The following PRKCG variants were observed in gnomAD, a reference collection of about 807,000 sequenced individuals.
PRKCG encodes the protein protein kinase C gamma.
Under a neutral mutation model 82.0 loss-of-function variants are expected in PRKCG, and 28 were observed. The ratio of observed to expected loss-of-function variants is 0.34; its 90% CI spans 0.25 to 0.47. The LOEUF is 0.47. PRKCG is among the 20% of genes least tolerant of loss of function. The pLI, the probability that PRKCG is intolerant of heterozygous loss-of-function variation, is 1.00. For synonymous variants in PRKCG, 383 were observed against 376.6 expected (o/e 1.02, Z -0.20); for missense variants, 640 against 952.7 (o/e 0.67, Z 4.32).
At chr19:53,896,786 A>T (rs2068721393) in intron 9 of PRKCG, among the ~76,000 whole-genome samples, 1 of 152,168 alleles carries the variant, frequency 6.6e-6, no homozygotes, top group Non-Finnish European at 1.5e-5. Context: ...AACAAAGCAG[A>T]CCCCTGCCTT....
At position 53,892,237 on chromosome 19, in the gene PRKCG, C is replaced by G. The variant is rs1015882941; in HGVS notation, c.687-272C>G. On this transcript the variant is annotated intron_variant, in intron 6 of 17. Transcript: ENST00000263431. This position sits in a 1 kb window ranked among gnomAD's most constrained non-coding sequence, Gnocchi z 5.9. Reference sequence around the variant, plus strand: ...GAGAGGAGAGAAGGGTACAGAGACTCAGAGAGAGAGATCTCGAGAGACAAG... The same window carrying G: ...GAGAGGAGAGAAGGGTACAGAGACTGAGAGAGAGAGATCTCGAGAGACAAG... 2.0e-5 allele frequency among the ~76,000 whole-genome samples: 3 copies of G among 151,946 alleles called. No homozygotes were observed. Among genetic ancestry groups the G allele is most frequent in the African/African-American group, 7.3e-5 (3 of 41,348 alleles).
intron 5 of PRKCG, among the ~76,000 whole-genome samples, chr19:53,890,467 A>T (rs1219174290): frequency 6.6e-6 from 1 of 151,608 alleles, no homozygotes; most frequent in Non-Finnish European, 1.5e-5. Flanking sequence ...CATGTTAGCC[A>T]GGCTGGTCTC....
At chr19:53,885,452 G>A (rs1374867153) in intron 3 of PRKCG, among the ~76,000 whole-genome samples, 18 of 152,102 alleles carry the variant, frequency 1.2e-4, no homozygotes, top group Admixed American at 9.8e-4. Flanking sequence ...GGCTGGTCTC[G>A]AACTCCTGAC....
In PRKCG at chr19:53,900,853, CA is replaced by C; in HGVS notation, c.1575+105del. On this transcript the variant is annotated intron_variant, in intron 14 of 17. Coordinates refer to ENST00000263431, the MANE Select transcript of PRKCG (RefSeq NM_002739.5). This position sits in a 1 kb window ranked among gnomAD's most constrained non-coding sequence, Gnocchi z 4.2. ...GTGAGGCCTGACCCTCAGACCTTGT[CA>C]TGAGTTGTGGCCTTCTTACACAGCC... 1 of 1,574,044 alleles carries C rather than the reference CA, an allele frequency of 6.4e-7. No individual in the cohort carries two copies. Among genetic ancestry groups the C allele is most frequent in the Non-Finnish European group, 8.7e-7 (1 of 1,153,132 alleles).
chr19:53,883,088 GC>G lies in PRKCG; in HGVS notation c.171-70del. On this transcript the variant is annotated intron_variant, in intron 1 of 17. Transcript: ENST00000263431. This position sits in a 1 kb window ranked among gnomAD's most constrained non-coding sequence, Gnocchi z 5.4. ...GCGGGAGGAGGGTCAGAGAGCGCAG[GC>G]CCCCTGTGGCTCGCAGAGGTTGGGG... is the stretch of plus-strand genomic sequence containing the variant. The G allele has an allele frequency of 6.4e-7, 1 of 1,569,760 alleles. No homozygotes were observed.
chr19:53,907,287 A>G lies in PRKCG; in HGVS notation c.*392A>G. 3.2e-6 allele frequency: 1 copy of G among 309,196 alleles called. No individual in the cohort carries two copies. The highest frequency in any genetic ancestry group is 6.3e-6 in the Non-Finnish European group (1 of 159,512). 19.2% of individuals were successfully genotyped at this position (309,196 alleles called of 1,614,324 possible). A position where few individuals can be genotyped will look rare whatever the true frequency, so the allele number is the denominator to read the frequency against. On this transcript the variant is annotated 3_prime_UTR_variant, in exon 18 of 18. Coordinates refer to ENST00000263431, the MANE Select transcript of PRKCG (RefSeq NM_002739.5). ...AGCCTCACGGGGTTGGCTGTTCCAG[A>G]CTCAGGTTCCAGAACAGCCCTCGGC...
intron 8 of PRKCG, 132 bp downstream of exon 8, chr19:53,893,207 T>C (rs565288555): frequency 1.6e-6 from 2 of 1,221,532 alleles, no homozygotes; most frequent in Admixed American, 1.9e-5. Flanking sequence ...GACTCCCTCC[T>C]CTGCTCTTCT....
In PRKCG at chr19:53,898,564, G is replaced by A. The variant is rs1046092381; in HGVS notation, c.1217G>A (p.Gly406Glu). 2 of 1,612,524 alleles carry A rather than the reference G, an allele frequency of 1.2e-6. No individual in the cohort carries two copies. The highest frequency in any genetic ancestry group is 1.7e-6 in the Non-Finnish European group (2 of 1,179,736). ...GTGGAGAAACGTGTGCTGGCGCTGG[G>A]GGGCCGGGGTCCTGGCGGCCGGCCC... ...TLVEKRVLAL[G>E]GRGPGGRPHF... Residue 406 changes from glycine (G) to glutamate (E), a missense_variant, in exon 11 of 18, where the codon GGG becomes GAG. Physicochemically the swap from Gly to Glu is moderately conservative, Grantham distance 98. Coordinates refer to ENST00000263431, the MANE Select transcript of PRKCG (RefSeq NM_002739.5).
At chr19:53,904,854 T>C (rs1481564804) in intron 16 of PRKCG, 112 bp downstream of exon 16, 2 of 899,498 alleles carry the variant, frequency 2.2e-6, no homozygotes, top group Non-Finnish European at 3.6e-6. Flanking sequence ...TACTTCCATC[T>C]GTTGGAAAAG....
At chr19:53,887,637 T>C (rs549715332) in intron 3 of PRKCG, among the ~76,000 whole-genome samples, 1 of 146,776 alleles carries the variant, frequency 6.8e-6, no homozygotes, top group African/African-American at 2.5e-5. Flanking sequence ...CAAACCATCC[T>C]GGCTAACGCG....
chr19:53,888,084 CTG>C (rs1255513924), intron 3 of PRKCG, among the ~76,000 whole-genome samples: 1 of 152,192 alleles, frequency 6.6e-6, no homozygotes, highest in African/African-American at 2.4e-5. Flanking sequence ...ACAGCAGCCT[CTG>C]TCTGTGGATG....
rs749615115 is a variant in PRKCG at position 53,904,754 on chromosome 19, C to T, written c.1764+12C>T. ...CCATCTGCAAGGGGGTGAGAGCCCC[C>T]TGACTCCCAGCTTCTCCAGGCTCAC... is the stretch of plus-strand genomic sequence containing the variant. On this transcript the variant is annotated intron_variant, in intron 16 of 17. Transcript: ENST00000263431. The T allele has an allele frequency of 4.4e-6, 7 of 1,605,836 alleles. No homozygotes were observed. In the Admixed American group the frequency reaches 1.0e-4, roughly 23 times the overall value.
chr19:53,892,752 G>GCACACACACA lies in PRKCG; in HGVS notation c.821+129_821+138dup, dbSNP rs762529486. 1.0e-5 allele frequency: 11 copies of GCACACACACA among 1,097,142 alleles called. No homozygotes were observed. The highest frequency in any genetic ancestry group is 2.5e-4 in the Middle Eastern group (1 of 4,066). 68.0% of individuals were successfully genotyped at this position (1,097,142 alleles called of 1,614,324 possible). A position where few individuals can be genotyped will look rare whatever the true frequency, so the allele number is the denominator to read the frequency against. ...TCCTTCCCTCTGCCTCCCAGCATGC[G>GCACACACACA]CACACACACACACACACACACACAC... is the stretch of plus-strand genomic sequence containing the variant. On this transcript the variant is annotated intron_variant, in intron 7 of 17. Coordinates refer to ENST00000263431, the MANE Select transcript of PRKCG (RefSeq NM_002739.5). This position sits in a 1 kb window ranked among gnomAD's most constrained non-coding sequence, Gnocchi z 5.9.
chr19:53,884,059 A>T lies in PRKCG; in HGVS notation c.203-102A>T, dbSNP rs307956. On this transcript the variant is annotated intron_variant, in intron 2 of 17. Coordinates refer to ENST00000263431, the MANE Select transcript of PRKCG (RefSeq NM_002739.5). This position sits in a 1 kb window ranked among gnomAD's most constrained non-coding sequence, Gnocchi z 4.6. The stretch of plus-strand genomic sequence containing the variant: ...AGATCCCTCTCTTTCTGGTTTTCTC[A>T]GTGTCCGAGTTCCGCTCTCTCTTTC... The T allele has an allele frequency of 1, 1,122,392 of 1,125,838 alleles. 559,484 individuals are homozygous for T. Among genetic ancestry groups the T allele is most frequent in the East Asian group, 1 (42,096 of 42,096 alleles). The allele number at this position is 1,125,838 out of a possible 1,614,324, so 69.7% of individuals were successfully genotyped here.
Position 53,892,395 on chromosome 19 carries a change from G to A in PRKCG, c.687-114G>A, listed in dbSNP as rs2068682918. ...AGGTCAGAGGTCGGAGACCGACAAA[G>A]CAGGAGAGGAGCCCCAGCTGGCTGG... On this transcript the variant is annotated intron_variant, in intron 6 of 17. Coordinates refer to ENST00000263431, the MANE Select transcript of PRKCG (RefSeq NM_002739.5). This position sits in a 1 kb window ranked among gnomAD's most constrained non-coding sequence, Gnocchi z 5.9. The A allele has an allele frequency of 1.3e-6, 2 of 1,488,880 alleles. No homozygotes were observed. The highest frequency in any genetic ancestry group is 4.0e-5 in the Admixed American group (2 of 50,430). 92.2% of individuals were successfully genotyped at this position (1,488,880 alleles called of 1,614,324 possible).
At chr19:53,906,668 C>T (rs374367148) in intron 17 of PRKCG, 39 bp from the exon 18 acceptor site, 16 of 1,606,628 alleles carry the variant, frequency 1.0e-5, no homozygotes, top group Non-Finnish European at 1.2e-5. Context: ...GAGGAGCCCT[C>T]GGAGCTGCTT....
At chr19:53,885,110 T>C (rs1005205800) in intron 3 of PRKCG, among the ~76,000 whole-genome samples, 4 of 152,244 alleles carry the variant, frequency 2.6e-5, no homozygotes, top group African/African-American at 9.6e-5. Flanking sequence ...ATTCTGTACA[T>C]GCACTGTCCA....
Position 53,892,891 on chromosome 19 carries a change from C to A in PRKCG, c.822-97C>A. 8.2e-7 allele frequency: 1 copy of A among 1,217,280 alleles called. No homozygotes were observed. The highest frequency in any genetic ancestry group is 1.2e-6 in the Non-Finnish European group (1 of 839,896). 75.4% of individuals were successfully genotyped at this position (1,217,280 alleles called of 1,614,324 possible). A position where few individuals can be genotyped will look rare whatever the true frequency, so the allele number is the denominator to read the frequency against. ...TCTTTCTCTCTTCCATCTCTGTGTC[C>A]GTCTCTCTGTGTCTCTTTCCTCCCT... On this transcript the variant is annotated intron_variant, in intron 7 of 17. Coordinates refer to ENST00000263431, the MANE Select transcript of PRKCG (RefSeq NM_002739.5). The surrounding 1 kb of genome is among the most constrained non-coding windows in gnomAD (Gnocchi z 5.9).
chr19:53,882,553 G>A lies in PRKCG; in HGVS notation c.59G>A (p.Cys20Tyr). Residue 20 changes from cysteine to tyrosine, a missense_variant, in exon 1 of 18, where the codon TGC (cysteine) becomes TAC (tyrosine). Around this residue, in one of 7 missense-constraint regions of PRKCG, gnomAD observed 50 missense variants for 146.5 expected, o/e 0.34. Transcript: ENST00000263431. This position sits in a 1 kb window ranked among gnomAD's most constrained non-coding sequence, Gnocchi z 6.1. ...GAGGGGGGACCCCGGCCCCTGTTTT[G>A]CAGAAAGGGGGCCCTGAGGCAGAAG... ...DSEGGPRPLF[C>Y]RKGALRQKVV... 3 of 1,614,178 alleles carry A rather than the reference G, an allele frequency of 1.9e-6. No individual in the cohort carries two copies. Among genetic ancestry groups the A allele is most frequent in the Non-Finnish European group, 2.5e-6 (3 of 1,180,026 alleles).
Sources: gnomAD v4.1 joint callset for allele counts (sites outside exome capture counted in the v4.1 genomes callset) on GRCh38, gnomAD v4.1.1 for gene constraint, gnomAD v4.1.1 regional missense constraint, Gnocchi (gnomAD v3.1) non-coding constraint, MANE v1.5 for transcripts, NCBI Gene and HGNC (gene_info 2026-07-23, HGNC 2026-07-21) for gene names.